The following DAB1 variants were observed in gnomAD, a reference collection of about 807,000 sequenced individuals.
The protein encoded by DAB1 is disabled homolog 1.
Under a neutral mutation model 64.6 loss-of-function variants are expected in DAB1, and 15 were observed. The observed-to-expected ratio is 0.23, with a 90% CI of 0.16 to 0.36. DAB1 has a LOEUF of 0.36. Ranked by LOEUF, DAB1 falls within the 10% of genes least tolerant of loss-of-function variation. The pLI is 1.00. For missense variants in DAB1, 596 were observed against 706.7 expected (o/e 0.84, Z 1.78); for synonymous variants, 235 against 251.9 (o/e 0.93, Z 0.64).
intron 4 of DAB1, among the ~76,000 whole-genome samples, chr1:58,219,381 A>T (rs999725608): frequency 2.0e-5 from 3 of 152,196 alleles, no homozygotes; most frequent in Non-Finnish European, 1.5e-5. Flanking sequence ...TTCATCCTTG[A>T]CAAGCACACA....
intron 1 of DAB1, chr1:57,880,294 T>A (rs907980988): frequency 2.6e-5 from 4 of 152,186 alleles, no homozygotes; most frequent in African/African-American, 4.8e-5. Context: ...TACATGTGTG[T>A]GCAGCCCTAT....
At chr1:58,109,063 A>C (rs943036571) in intron 5 of DAB1, among the ~76,000 whole-genome samples, 5 of 152,200 alleles carry the variant, frequency 3.3e-5, no homozygotes, top group African/African-American at 9.6e-5. Context: ...AGCTTCCTTA[A>C]ATGTTATTAA....
downstream of DAB1, chr1:57,825,950 C>T (rs1021134485): frequency 2.0e-5 from 3 of 152,136 alleles, no homozygotes; most frequent in Non-Finnish European, 4.4e-5. Flanking sequence ...TCTGCATCAG[C>T]ATGTTGAATT....
At chr1:57,229,827 G>A (rs1469119849) in intron 2 of DAB1, among the ~76,000 whole-genome samples, 1 of 152,108 alleles carries the variant, frequency 6.6e-6, no homozygotes, top group South Asian at 2.1e-4. Context: ...TGTTTCCCAT[G>A]TGAGGTCACC....
At chr1:57,510,395 C>T (rs1644393043) in intron 7 of DAB1, among the ~76,000 whole-genome samples, 2 of 152,124 alleles carry the variant, frequency 1.3e-5, no homozygotes, top group East Asian at 1.9e-4. Flanking sequence ...TTGGCTGGCT[C>T]CTCCTCTTCT....
At chr1:57,529,704 T>C (rs1644638136) in intron 7 of DAB1, among the ~76,000 whole-genome samples, 1 of 152,228 alleles carries the variant, frequency 6.6e-6, no homozygotes, top group Admixed American at 6.5e-5. Context: ...TATATGTACT[T>C]AATAGCAAAA....
chr1:58,230,607 T>C (rs1387066957), intron 4 of DAB1, among the ~76,000 whole-genome samples: 1 of 152,158 alleles, frequency 6.6e-6, no homozygotes, highest in African/African-American at 2.4e-5. Context: ...TCCTTAGAAG[T>C]AGAAGCCCCT....
chr1:58,107,995 A>G (rs183863941), intron 5 of DAB1, among the ~76,000 whole-genome samples: 113 of 152,308 alleles, frequency 7.4e-4, no homozygotes, highest in Non-Finnish European at 1.2e-3. Context: ...TGAAGGACCC[A>G]CAGTTTGTTC....
intron 5 of DAB1, among the ~76,000 whole-genome samples, chr1:58,132,164 G>A (rs1381286727): frequency 2.0e-5 from 3 of 152,194 alleles, no homozygotes; most frequent in Admixed American, 6.5e-5. Flanking sequence ...CTCGTGGTGC[G>A]CCGTTTTTTA....
intron 3 of DAB1, among the ~76,000 whole-genome samples, chr1:58,400,123 A>T (rs1173827474): frequency 6.6e-6 from 1 of 151,986 alleles, no homozygotes; most frequent in South Asian, 2.1e-4. Context: ...ATCTGTCAGC[A>T]TCCCAGGCAG....
chr1:57,892,673 T>C (rs976957447), intron 5 of DAB1, among the ~76,000 whole-genome samples: 1 of 152,232 alleles, frequency 6.6e-6, no homozygotes, highest in African/African-American at 2.4e-5. Context: ...CAGCTATTTT[T>C]GTTTTCTTCT....
At chr1:58,086,652 C>A (rs1315333437) in intron 5 of DAB1, among the ~76,000 whole-genome samples, 1 of 151,970 alleles carries the variant, frequency 6.6e-6, no homozygotes, top group African/African-American at 2.4e-5. Context: ...CTCTACCCTA[C>A]TGCCTCAGCC....
intron 1 of DAB1, among the ~76,000 whole-genome samples, chr1:57,396,142 C>T (rs181502383): frequency 9.2e-5 from 14 of 152,322 alleles, no homozygotes; most frequent in Non-Finnish European, 1.8e-4. Flanking sequence ...TGCCAGCGCA[C>T]TTCAGTGGGC....
At chr1:58,169,573 G>C (rs959543507) in intron 4 of DAB1, among the ~76,000 whole-genome samples, 2 of 152,140 alleles carry the variant, frequency 1.3e-5, no homozygotes, top group African/African-American at 4.8e-5. Flanking sequence ...TCTGCAGCTT[G>C]ACCTTTTCTG....
intron 7 of DAB1, among the ~76,000 whole-genome samples, chr1:57,581,334 T>A (rs1480765970): frequency 6.6e-6 from 1 of 152,196 alleles, no homozygotes; most frequent in Non-Finnish European, 1.5e-5. Flanking sequence ...TATGGTTCTT[T>A]AAAATTTTTT....
intron 3 of DAB1, among the ~76,000 whole-genome samples, chr1:58,387,677 AT>A (rs1644443787): frequency 7.4e-6 from 1 of 135,990 alleles, no homozygotes; most frequent in Non-Finnish European, 1.6e-5. Context: ...TTTCCTGGTT[AT>A]TTGACGAGAT....
chr1:57,684,612 C>A (rs115595594), intron 6 of DAB1, among the ~76,000 whole-genome samples: 1,618 of 152,188 alleles, frequency 0.011, 16 homozygotes, highest in African/African-American at 0.033. Flanking sequence ...AGCAAAAAGT[C>A]CTTAAGGTAG....
chr1:57,095,488 G>A (rs1284996535), intron 4 of DAB1, among the ~76,000 whole-genome samples: 1 of 152,156 alleles, frequency 6.6e-6, no homozygotes, highest in African/African-American at 2.4e-5. Context: ...TCTTGGTTTG[G>A]CAGATATACT....
chr1:58,427,053 C>T (rs995582417), intron 3 of DAB1, among the ~76,000 whole-genome samples: 2 of 152,082 alleles, frequency 1.3e-5, no homozygotes, highest in African/African-American at 4.8e-5. Flanking sequence ...GTGCCAGGAG[C>T]GGTCAAGAAG....
Sources: allele counts gnomAD v4.1 joint callset (sites outside exome capture counted in the v4.1 genomes callset), GRCh38; gene constraint gnomAD v4.1.1; transcripts MANE v1.5; gene names NCBI Gene and HGNC (gene_info 2026-07-23, HGNC 2026-07-21).